The following ARL10 variants were observed in gnomAD, a reference collection of about 807,000 sequenced individuals.
ARL10 encodes the protein ARF like GTPase 10.
Under a neutral mutation model 26.1 loss-of-function variants are expected in ARL10, and 23 were observed. The ratio of observed to expected loss-of-function variants is 0.88; its 90% CI spans 0.63 to 1.25. The LOEUF (loss-of-function observed/expected upper bound fraction) is 1.25, where lower values mean the gene tolerates loss of function less well. Ranked by LOEUF, ARL10 falls within the 50% of genes most tolerant of loss-of-function variation. ARL10 has a pLI of 0.00. For synonymous variants in ARL10, 138 were observed against 149.1 expected, an observed-to-expected ratio of 0.93 and a Z score of 0.54; for missense variants, 300 against 323.6, an observed-to-expected ratio of 0.93 and a Z score of 0.56.
the ARL10 span, among the ~76,000 whole-genome samples, chr5:176,413,900 C>T: frequency 6.6e-6 from 1 of 152,178 alleles, no homozygotes; most frequent in Non-Finnish European, 1.5e-5. Context: ...GGCTGTATCC[C>T]CGGCACCTCC....
chr5:176,392,707 C>T (rs1361307743), downstream of ARL10: 8 of 1,573,168 alleles, frequency 5.1e-6, no homozygotes, highest in South Asian at 2.2e-5. This position sits in a 1 kb window ranked among gnomAD's most constrained non-coding sequence, Gnocchi z 5.2. Flanking sequence ...TCCACCCCGA[C>T]CAAAGCAGCT....
the ARL10 span, among the ~76,000 whole-genome samples, chr5:176,408,921 G>T: frequency 6.6e-6 from 1 of 151,662 alleles, no homozygotes; most frequent in African/African-American, 2.4e-5. Context: ...CCCCACCCTT[G>T]GGGCTAACCA....
intron 1 of ARL10, among the ~76,000 whole-genome samples, chr5:176,396,968 T>G (rs1756554520): frequency 6.6e-6 from 1 of 152,038 alleles, no homozygotes; most frequent in South Asian, 2.1e-4. Flanking sequence ...TTCCCTTTTT[T>G]CCTCCTAGTC....
chr5:176,393,013 C>A (rs1756328461), downstream of ARL10: 1 of 1,574,252 alleles, frequency 6.4e-7, no homozygotes, highest in South Asian at 1.1e-5. The surrounding 1 kb of genome is among the most constrained non-coding windows in gnomAD (Gnocchi z 4.4). Flanking sequence ...TTGAGCAAGG[C>A]TGCTTTGCCC....
At chr5:176,406,772 G>T (rs561853948), downstream of ARL10, 6 of 1,204,342 alleles carry the variant, frequency 5.0e-6, no homozygotes, top group African/African-American at 7.8e-5. Context: ...AGTGTTGGGT[G>T]TGCACAGGCC....
intron 1 of ARL10, chr5:176,396,475 G>C (rs373717718): frequency 6.2e-7 from 1 of 1,613,038 alleles, no homozygotes. Context: ...AAACAGACAC[G>C]TACACGTAGC....
rs751942928 is a variant in ARL10, at chr5:176,368,827, C to A, written c.406C>A (p.Arg136Ser). ...LLEIGGSQNLRFYWKEFVSEV... is the reference protein window; with the variant it reads ...LLEIGGSQNLSFYWKEFVSEV... ...CTCAGTTGGGGGCAGCCAGAACCTG[C>A]GCTTCTACTGGAAGGAGTTTGTGAG... The change falls in exon 3 of 4, where the codon CGC becomes AGC. Residue 136 changes from arginine (R) to serine (S), a missense_variant. Arg to Ser is a moderately radical substitution (Grantham distance 110). Transcript: ENST00000310389. This position sits in a 1 kb window ranked among gnomAD's most constrained non-coding sequence, Gnocchi z 4.1. 4.1e-5 allele frequency: 66 copies of A among 1,612,610 alleles called. 2 individuals carry two copies. The highest frequency in any genetic ancestry group is 4.7e-5 in the Non-Finnish European group (56 of 1,179,156).
rs745473941 is a variant in ARL10, at chr5:176,366,431, G to T, written c.235G>T (p.Glu79Ter). Residue 79 changes from glutamate (E) to a stop codon, truncating the protein, a stop_gained, in exon 2 of 4, where the codon GAG becomes TAG. Coordinates refer to ENST00000310389, the MANE Select transcript of ARL10 (RefSeq NM_173664.6). LOFTEE classifies it high-confidence loss of function. ...GGCGCTGGAGGAGCTGGAACAGCGC[G>T]AGGTGCTGGTGCTGGGGCTGGATGG... ...EPALEELEQREVLVLGLDGAG... is the reference protein window; with the variant it reads ...EPALEELEQR 2.5e-6 allele frequency: 4 copies of T among 1,613,154 alleles called. No individual in the cohort carries two copies. The highest frequency in any genetic ancestry group is 3.4e-6 in the Non-Finnish European group (4 of 1,179,918).
At chr5:176,412,577 A>G in the ARL10 span, among the ~76,000 whole-genome samples, 1 of 152,238 alleles carries the variant, frequency 6.6e-6, no homozygotes, top group African/African-American at 2.4e-5. Context: ...CAGATGGACA[A>G]ATAGCCCTTC....
intron 1 of ARL10, chr5:176,396,346 A>T: frequency 1.2e-6 from 1 of 821,540 alleles, no homozygotes. Flanking sequence ...CCACCAGGGC[A>T]TTTGCCTCCT....
rs942726687 is a variant in ARL10 at position 176,375,342 on chromosome 5, CCCATCCAT to C, written c.*3465_*3472del. ...CATCCATCCATCCATCCATCATCCA[CCCATCCAT>C]CCATCCATCCATCCATCTGTGGCTT... is the stretch of plus-strand genomic sequence containing the variant. On this transcript the variant is annotated 3_prime_UTR_variant, in exon 4 of 4. Coordinates refer to ENST00000310389, the MANE Select transcript of ARL10 (RefSeq NM_173664.6). 9.1e-6 allele frequency: 1 copy of C among 110,158 alleles called. No homozygotes were observed. Among genetic ancestry groups the C allele is most frequent in the African/African-American group, 3.3e-5 (1 of 29,936 alleles). 6.8% of individuals were successfully genotyped at this position (110,158 alleles called of 1,614,324 possible).
rs187686462 is a variant in ARL10, at chr5:176,366,731, C to A, written c.385+150C>A. 74 of 999,836 alleles carry A rather than the reference C, an allele frequency of 7.4e-5. No homozygotes were observed. In the African/African-American group the frequency reaches 1.1e-3, roughly 15 times the overall value. 61.9% of individuals were successfully genotyped at this position (999,836 alleles called of 1,614,324 possible). On this transcript the variant is annotated intron_variant, in intron 2 of 3. Transcript: ENST00000310389. ...CCGCTCTCCGGGGCACAGGATTCAG[C>A]CCACGCTCTGTGCTCTGACATTTAG...
downstream of ARL10, among the ~76,000 whole-genome samples, chr5:176,402,473 T>C (rs1278276070): frequency 6.6e-6 from 1 of 152,180 alleles, no homozygotes; most frequent in Non-Finnish European, 1.5e-5. Flanking sequence ...AGACTCTGTC[T>C]GGAACATTCT....
chr5:176,388,673 C>G (rs765533081), downstream of ARL10: 5 of 1,320,478 alleles, frequency 3.8e-6, no homozygotes, highest in East Asian at 4.6e-5. Flanking sequence ...GTAGCACTAC[C>G]GTGCTGAGCA....
chr5:176,384,448 C>G, downstream of ARL10: 1 of 1,450,488 alleles, frequency 6.9e-7, no homozygotes, highest in South Asian at 1.3e-5. Context: ...CTGAATTAGG[C>G]AAGCCACTTG....
At chr5:176,390,182 CAAAAA>C (rs60632467), downstream of ARL10, among the ~76,000 whole-genome samples, 13 of 65,234 alleles carry the variant, frequency 2.0e-4, no homozygotes, top group Non-Finnish European at 2.1e-4. Flanking sequence ...AACTCCATCT[CAAAAA>C]AAAAAAAAAA....
At chr5:176,369,682 G>T (rs1049662856) in intron 3 of ARL10, among the ~76,000 whole-genome samples, 1 of 152,076 alleles carries the variant, frequency 6.6e-6, no homozygotes, top group East Asian at 1.9e-4. Context: ...TGGTCCAGGC[G>T]TGGTGGCTCA....
At chr5:176,393,619 G>T (rs1473261380), downstream of ARL10, among the ~76,000 whole-genome samples, 1 of 152,174 alleles carries the variant, frequency 6.6e-6, no homozygotes, top group Non-Finnish European at 1.5e-5. This position sits in a 1 kb window ranked among gnomAD's most constrained non-coding sequence, Gnocchi z 4.4. Flanking sequence ...AGAGCCCTTT[G>T]TAGCCCAGAA....
At chr5:176,397,818 A>G in intron 1 of ARL10, 1 of 1,461,430 alleles carries the variant, frequency 6.8e-7, no homozygotes, top group Non-Finnish European at 9.6e-7. Flanking sequence ...ACAGGGCCGC[A>G]CCGGCCCAGT....
Sources: allele counts gnomAD v4.1 joint callset (sites outside exome capture counted in the v4.1 genomes callset), GRCh38; gene constraint gnomAD v4.1.1; non-coding constraint Gnocchi (gnomAD v3.1); transcripts MANE v1.5; gene names NCBI Gene and HGNC (gene_info 2026-07-23, HGNC 2026-07-21).